DSCAM: variants seen among roughly 807,000 people sequenced by gnomAD.
The protein encoded by DSCAM is cell adhesion molecule DSCAM.
Under a neutral mutation model 217.7 loss-of-function variants are expected in DSCAM, and 47 were observed. That is an observed-to-expected ratio of 0.22 (90% CI 0.17 to 0.28). The LOEUF is 0.28. Among genes scored for constraint, DSCAM ranks in the 10% least tolerant of loss-of-function variants. The pLI is 1.00. For missense variants in DSCAM, 2,080 were observed against 2,618.3 expected, an observed-to-expected ratio of 0.79 and a Z score of 4.49; for synonymous variants, 1,056 against 1,015.3, an observed-to-expected ratio of 1.04 and a Z score of -0.76.
rs569757415 is a variant in DSCAM, at chr21:40,773,750, C to A, written c.44-64979G>T. ...ACACTGTGGTGGGCAGGCAGTGTGG[C>A]TGTGAATTCTAGGGGAAGTTCCCCT... On this transcript the variant is annotated intron_variant, in intron 1 of 32. Transcript: ENST00000400454. Among the ~76,000 whole-genome samples the A allele has an allele frequency of 3.9e-5, 6 of 152,318 alleles. No homozygotes were observed. The East Asian group carries it at 9.7e-4, about 25-fold the overall frequency.
intron 28 of DSCAM, 129 bp downstream of exon 28, chr21:40,062,738 TAC>T (rs1289607173): frequency 4.9e-6 from 4 of 812,246 alleles, no homozygotes; most frequent in South Asian, 2.2e-5. Flanking sequence ...TATAGGAAAT[TAC>T]AGTTTTTTCT....
chr21:40,251,778 A>T (rs2073307771), intron 11 of DSCAM, among the ~76,000 whole-genome samples: 1 of 152,204 alleles, frequency 6.6e-6, no homozygotes, highest in Non-Finnish European at 1.5e-5. Flanking sequence ...TTCCTTGATA[A>T]GCTCACATGA....
At chr21:40,711,995 T>C (rs2090785482) in intron 1 of DSCAM, among the ~76,000 whole-genome samples, 2 of 152,212 alleles carry the variant, frequency 1.3e-5, no homozygotes, top group Non-Finnish European at 2.9e-5. Flanking sequence ...GAAATGTTTT[T>C]CTATTTTAAA....
At chr21:40,601,596 G>A (rs1370421093) in intron 3 of DSCAM, among the ~76,000 whole-genome samples, 3 of 152,164 alleles carry the variant, frequency 2.0e-5, no homozygotes, top group East Asian at 1.9e-4. Flanking sequence ...TCCAATCTTA[G>A]AGGGAAGAAA....
At chr21:40,250,327 T>C (rs537908827) in intron 11 of DSCAM, among the ~76,000 whole-genome samples, 1 of 152,280 alleles carries the variant, frequency 6.6e-6, no homozygotes, top group South Asian at 2.1e-4. Context: ...ATTAGAAATA[T>C]GAATAAAGGG....
rs148802376 is a variant in DSCAM at position 40,244,696 on chromosome 21, G to A, written c.2356+31401C>T. ...CACAGCAGTGGTAGGTAGGTAGTTA[G>A]GAGCTCTGCTCAGGTTGGGGCGGCG... On this transcript the variant is annotated intron_variant, in intron 11 of 32. Coordinates refer to ENST00000400454, the MANE Select transcript of DSCAM (RefSeq NM_001389.5). 5.4e-3 allele frequency among the ~76,000 whole-genome samples: 819 copies of A among 152,234 alleles called. 8 individuals are homozygous for A. Among genetic ancestry groups the A allele is most frequent in the Non-Finnish European group, 8.2e-3 (558 of 68,020 alleles).
intron 16 of DSCAM, among the ~76,000 whole-genome samples, chr21:40,146,635 T>A (rs1423259367): frequency 6.6e-6 from 1 of 152,184 alleles, no homozygotes; most frequent in African/African-American, 2.4e-5. Context: ...CACTTGCTTT[T>A]CCCAACAGCC....
intron 14 of DSCAM, among the ~76,000 whole-genome samples, chr21:40,183,163 C>A (rs1882789): frequency 0.016 from 2,247 of 144,042 alleles, 180 homozygotes; most frequent in African/African-American, 0.057. Context: ...GGAGATGGCC[C>A]CCACAGGAAC....
chr21:40,425,513 A>G (rs879894819), intron 3 of DSCAM, among the ~76,000 whole-genome samples: 2 of 150,714 alleles, frequency 1.3e-5, no homozygotes, highest in Admixed American at 1.3e-4. Flanking sequence ...TAATAAATAG[A>G]TAAATAAGAA....
chr21:40,124,312 C>G lies in DSCAM; in HGVS notation c.3579G>C (p.Ala1193=), dbSNP rs372182078. The G allele has an allele frequency of 2.2e-5, 35 of 1,613,746 alleles. No homozygotes were observed. Among genetic ancestry groups the G allele is most frequent in the Non-Finnish European group, 2.8e-5 (33 of 1,180,026 alleles). Residue 1193 remains alanine, a synonymous_variant, in exon 20 of 33, where the codon GCG becomes GCC. Transcript: ENST00000400454. ...CTGAGGCCGCCGCTGCCTTCACACC[C>G]GCGGGAGGACCTGGAACTGGAAGAG... is the stretch of plus-strand genomic sequence containing the variant. ...RTKEDVPGPP[A]GVKAAAASAS... is the part of the protein sequence containing the mutation.
At chr21:40,055,043 T>C (rs1243103120) in intron 29 of DSCAM, among the ~76,000 whole-genome samples, 2 of 152,178 alleles carry the variant, frequency 1.3e-5, no homozygotes, top group African/African-American at 4.8e-5. Flanking sequence ...AATAGAATAA[T>C]CGAGGCAGGC....
intron 11 of DSCAM, among the ~76,000 whole-genome samples, chr21:40,190,454 C>T (rs2090942523): frequency 6.6e-6 from 1 of 152,086 alleles, no homozygotes; most frequent in South Asian, 2.1e-4. Flanking sequence ...AAGCCAGGCT[C>T]CTCAAAGGGT....
intron 11 of DSCAM, among the ~76,000 whole-genome samples, chr21:40,231,175 G>C (rs1268055291): frequency 6.7e-6 from 1 of 149,778 alleles, no homozygotes; most frequent in Non-Finnish European, 1.5e-5. Flanking sequence ...CTTTGTTATG[G>C]AGAAGGTTTG....
rs141748750 is a variant in DSCAM, at chr21:40,402,545, T to G, written c.509-33300A>C. Among the ~76,000 whole-genome samples the G allele has an allele frequency of 2.0e-3, 306 of 151,930 alleles. 1 individual carries two copies. The highest frequency in any genetic ancestry group is 7.2e-3 in the African/African-American group (297 of 41,420). On this transcript the variant is annotated intron_variant, in intron 3 of 32. Transcript: ENST00000400454. ...AAATAATGATTTTTTCCACGGGGAG[T>G]AAACTATCTATATATTTCCAAGTGA...
chr21:40,632,382 G>C (rs1196188361), intron 3 of DSCAM, among the ~76,000 whole-genome samples: 1 of 151,648 alleles, frequency 6.6e-6, no homozygotes, highest in African/African-American at 2.4e-5. Flanking sequence ...GAGGACAGTT[G>C]TTTTATATAT....
At chr21:40,465,944 A>G (rs1199643028) in intron 3 of DSCAM, among the ~76,000 whole-genome samples, 1 of 152,142 alleles carries the variant, frequency 6.6e-6, no homozygotes, top group Non-Finnish European at 1.5e-5. Flanking sequence ...TTTTGAAGGC[A>G]TAGAAATAAG....
chr21:40,695,651 G>A (rs1230259545), intron 2 of DSCAM, among the ~76,000 whole-genome samples: 1 of 152,156 alleles, frequency 6.6e-6, no homozygotes, highest in East Asian at 1.9e-4. Flanking sequence ...GATAGCCTGT[G>A]CAGTGAGCCT....
chr21:40,556,338 A>ATTGC (rs2076671478), intron 3 of DSCAM, among the ~76,000 whole-genome samples: 1 of 152,206 alleles, frequency 6.6e-6, no homozygotes, highest in African/African-American at 2.4e-5. Flanking sequence ...CAGGCAATTA[A>ATTGC]CACATATTTT....
intron 31 of DSCAM, 74 bp from the exon 32 acceptor site, chr21:40,042,747 G>A (rs2088776815): frequency 7.1e-7 from 1 of 1,409,780 alleles, no homozygotes; most frequent in South Asian, 1.4e-5. Flanking sequence ...GGCCCTTCCT[G>A]GCTTGGGGCT....
Sources: gnomAD v4.1 joint callset for allele counts (sites outside exome capture counted in the v4.1 genomes callset) on GRCh38, gnomAD v4.1.1 for gene constraint, MANE v1.5 for transcripts, NCBI Gene and HGNC (gene_info 2026-07-23, HGNC 2026-07-21) for gene names.